The following C17orf75 variants were observed in gnomAD, a reference collection of about 807,000 sequenced individuals.
C17orf75 encodes protein Njmu-R1.
C17orf75 carries 32 observed loss-of-function variants against 49.6 expected under a neutral mutation model. That is an observed-to-expected ratio of 0.65 (90% CI 0.49 to 0.87). The LOEUF (loss-of-function observed/expected upper bound fraction) is 0.87. Among genes scored for constraint, C17orf75 ranks in the 40% least tolerant of loss-of-function variants. The pLI is 0.00. For synonymous variants in C17orf75, 158 were observed against 159.5 expected (o/e 0.99, Z 0.07); for missense variants, 428 against 473.9 (o/e 0.90, Z 0.90).
rs1379927784 is a variant in C17orf75 at position 32,331,156 on chromosome 17, A to G, written c.*607T>C. 6.6e-6 allele frequency: 1 copy of G among 152,430 alleles called. No homozygotes were observed. The highest frequency in any genetic ancestry group is 1.5e-5 in the Non-Finnish European group (1 of 68,266). 9.4% of individuals were successfully genotyped at this position (152,430 alleles called of 1,614,324 possible). Reference sequence around the variant, plus strand: ...AGCCACTGCGCCCAGCTCAAAGATAATATTTTATCTTGAAGCTAGTGCATC... The same window carrying G: ...AGCCACTGCGCCCAGCTCAAAGATAGTATTTTATCTTGAAGCTAGTGCATC... On this transcript the variant is annotated 3_prime_UTR_variant, in exon 10 of 10. Transcript: ENST00000577809.
At chr17:32,349,896 C>A (rs374841617) in intron 1 of C17orf75, 5 of 1,052,480 alleles carry the variant, frequency 4.8e-6, no homozygotes, top group Non-Finnish European at 5.8e-6. Context: ...GCAATCTTTT[C>A]CGTTTTTTTG....
chr17:32,334,656 A>G, intron 7 of C17orf75, 51 bp from the exon 8 acceptor site: 2 of 1,597,940 alleles, frequency 1.3e-6, no homozygotes, highest in South Asian at 1.1e-5. Context: ...GGACGGAAGG[A>G]TGAAAACAAA....
chr17:32,349,909 TTC>T (rs1203297856), intron 1 of C17orf75: 2 of 1,060,176 alleles, frequency 1.9e-6, no homozygotes, highest in African/African-American at 3.3e-5. Context: ...TTTTTTTGTT[TTC>T]TGTTTTCCAT....
rs112963271 is a variant in C17orf75 at position 32,337,198 on chromosome 17, T to C, written c.549+699A>G. The stretch of plus-strand genomic sequence containing the variant: ...CCTGTAGGCTGGGCACAATGGCTCG[T>C]GTCTGTAATCTCAGCACTTTGGGTG... On this transcript the variant is annotated intron_variant, in intron 5 of 9. Coordinates refer to ENST00000577809, the MANE Select transcript of C17orf75 (RefSeq NM_022344.4). 7.2e-3 allele frequency among the ~76,000 whole-genome samples: 1,100 copies of C among 152,084 alleles called. 12 individuals carry two copies. Among genetic ancestry groups the C allele is most frequent in the African/African-American group, 0.024 (993 of 41,480 alleles).
chr17:32,340,393 C>T (rs1247067781), intron 2 of C17orf75, among the ~76,000 whole-genome samples: 2 of 151,948 alleles, frequency 1.3e-5, no homozygotes, highest in Non-Finnish European at 2.9e-5. Flanking sequence ...GTAATCTCAG[C>T]ACTTTGGGAG....
chr17:32,348,393 C>T (rs2041444305), intron 1 of C17orf75, among the ~76,000 whole-genome samples: 1 of 152,026 alleles, frequency 6.6e-6, no homozygotes, highest in Non-Finnish European at 1.5e-5. Context: ...CAAATTATTC[C>T]AGCTCTCTTA....
At chr17:32,335,706 T>G (rs1439082147) in intron 5 of C17orf75, among the ~76,000 whole-genome samples, 1 of 152,190 alleles carries the variant, frequency 6.6e-6, no homozygotes, top group Admixed American at 6.5e-5. Context: ...TAGGGTTCCA[T>G]GCTATTTCTT....
At chr17:32,340,845 G>A (rs1483332620) in intron 2 of C17orf75, 3 of 218,954 alleles carry the variant, frequency 1.4e-5, no homozygotes, top group Admixed American at 1.1e-4. Flanking sequence ...TGGGGAGGCT[G>A]AGGTGAGAGG....
rs992700039 is a variant in C17orf75, at chr17:32,329,642, C to T, written c.*2121G>A. The T allele has an allele frequency of 5.3e-5, 8 of 152,048 alleles. No homozygotes were observed. The highest frequency in any genetic ancestry group is 1.0e-4 in the Non-Finnish European group (7 of 68,026). 9.4% of individuals were successfully genotyped at this position (152,048 alleles called of 1,614,324 possible). On this transcript the variant is annotated 3_prime_UTR_variant, in exon 10 of 10. Transcript: ENST00000577809. ...CATAAATGATTTGAAGCAGGTAACA[C>T]ATTTGCTTTTAAATGCCATTTACAA... is the stretch of plus-strand genomic sequence containing the variant.
upstream of C17orf75, chr17:32,342,269 C>T: frequency 7.4e-7 from 1 of 1,360,462 alleles, no homozygotes. Context: ...CCCGGGTTCG[C>T]AGGCAAGGAC....
Position 32,331,941 on chromosome 17 carries a change from C to T in C17orf75, c.1013G>A (p.Arg338Gln), listed in dbSNP as rs372489024. The T allele has an allele frequency of 8.7e-6, 14 of 1,612,918 alleles. No individual in the cohort carries two copies. The highest frequency in any genetic ancestry group is 4.5e-5 in the East Asian group (2 of 44,814). Residue 338 changes from arginine (R) to glutamine (Q), a missense_variant, in exon 10 of 10, where the codon CGA becomes CAA. Arg to Gln is a conservative substitution (Grantham distance 43). Transcript: ENST00000577809. The part of the protein sequence containing the change: ...QDTNNLKRFI[R>Q]QAEMNHYALF... ...AGCATAATGATTCATTTCTGCCTGT[C>T]GGATAAATCTCTTCAAATTGTTTGT...
chr17:32,335,466 T>C, intron 5 of C17orf75, 24 bp from the exon 6 acceptor site: 2 of 1,610,950 alleles, frequency 1.2e-6, no homozygotes, highest in Non-Finnish European at 8.5e-7. Flanking sequence ...GAACATCATT[T>C]GCTTTAATAT....
intron 2 of C17orf75, 142 bp downstream of exon 2, chr17:32,341,062 A>G (rs2150778879): frequency 1.2e-6 from 1 of 827,636 alleles, no homozygotes; most frequent in African/African-American, 1.7e-5. Flanking sequence ...GGAAATCAGG[A>G]TGAGGTTCCT....
chr17:32,345,781 C>G (rs928392455), upstream of C17orf75, among the ~76,000 whole-genome samples: 1 of 151,986 alleles, frequency 6.6e-6, no homozygotes, highest in Non-Finnish European at 1.5e-5. Context: ...CTCCTGACCT[C>G]GTGATCTGCC....
upstream of C17orf75, among the ~76,000 whole-genome samples, chr17:32,343,249 A>T (rs757226741): frequency 1.3e-5 from 2 of 152,120 alleles, no homozygotes; most frequent in Non-Finnish European, 2.9e-5. Context: ...GAACTGTGAA[A>T]TAATACATTT....
chr17:32,339,755 C>A, intron 3 of C17orf75, 58 bp downstream of exon 3: 1 of 1,591,128 alleles, frequency 6.3e-7, no homozygotes, highest in Non-Finnish European at 8.5e-7. Flanking sequence ...AGTTTCTCAT[C>A]ACTTCTCATA....
At chr17:32,333,216 A>G (rs1262358561) in intron 9 of C17orf75, among the ~76,000 whole-genome samples, 2 of 152,220 alleles carry the variant, frequency 1.3e-5, no homozygotes, top group African/African-American at 4.8e-5. Context: ...ATAAGCAAGC[A>G]TTCAACCCAA....
At position 32,329,492 on chromosome 17, in the gene C17orf75, C is replaced by T. The variant is rs1322394629; in HGVS notation, c.*2271G>A. On this transcript the variant is annotated 3_prime_UTR_variant, in exon 10 of 10. Transcript: ENST00000577809. ...CAGTCTGAGCAACATAGTGAGACCC[C>T]ATTTCATTAAAAAAAAAAAAAGATA... 6.6e-6 allele frequency: 1 copy of T among 150,434 alleles called. No individual in the cohort carries two copies. Among genetic ancestry groups the T allele is most frequent in the Admixed American group, 6.6e-5 (1 of 15,080 alleles). The allele number at this position is 150,434 out of a possible 1,614,324, so 9.3% of individuals were successfully genotyped here.
chr17:32,341,265 C>T lies in C17orf75; in HGVS notation c.160G>A (p.Asp54Asn), dbSNP rs775204867. The T allele has an allele frequency of 1.9e-6, 3 of 1,613,958 alleles. No homozygotes were observed. The South Asian group carries it at 3.3e-5, about 18-fold the overall frequency. ...RGSRLAQQRG[D>N]SEDGSPSGTN... ...CCACTTGGGCTTCCGTCCTCACTGT[C>T]CCCTCGTTGCTGTGCCAATCTACAA... Residue 54 changes from aspartate to asparagine, a missense_variant, in exon 2 of 10, where the codon GAC becomes AAC. Transcript: ENST00000577809.
Sources: gnomAD v4.1 joint callset for allele counts (sites outside exome capture counted in the v4.1 genomes callset) on GRCh38, gnomAD v4.1.1 for gene constraint, MANE v1.5 for transcripts, NCBI Gene and HGNC (gene_info 2026-07-23, HGNC 2026-07-21) for gene names.